The following PRKG1 variants were observed in gnomAD, a reference collection of about 807,000 sequenced individuals.
PRKG1 encodes the protein cGMP-dependent protein kinase 1.
PRKG1 carries 35 observed loss-of-function variants against 88.1 expected under a neutral mutation model. The observed-to-expected ratio is 0.40, with a 90% CI of 0.30 to 0.53. The LOEUF (loss-of-function observed/expected upper bound fraction) is 0.53, where lower values mean the gene tolerates loss of function less well. PRKG1 is among the 20% of genes least tolerant of loss of function. The probability of loss-of-function intolerance (pLI) is 0.59; values close to 1 mark genes in which losing one functional copy is unlikely to be tolerated. For missense variants in PRKG1, 540 were observed against 839.8 expected, an observed-to-expected ratio of 0.64 and a Z score of 4.41; for synonymous variants, 303 against 292.5, an observed-to-expected ratio of 1.04 and a Z score of -0.37.
chr10:51,636,096 TTTTTA>T (rs375689233), intron 3 of PRKG1, among the ~76,000 whole-genome samples: 244 of 152,316 alleles, frequency 1.6e-3, no homozygotes, highest in African/African-American at 5.7e-3. Flanking sequence ...CTTGGTCTTA[TTTTTA>T]TTTTATTTCT....
At chr10:51,416,805 G>C (rs1348648088) in intron 2 of PRKG1, among the ~76,000 whole-genome samples, 1 of 152,146 alleles carries the variant, frequency 6.6e-6, no homozygotes, top group Non-Finnish European at 1.5e-5. Context: ...TTTGAAGAAG[G>C]TCAGAACTCC....
chr10:52,146,906 G>A (rs1837743631), intron 8 of PRKG1, among the ~76,000 whole-genome samples: 1 of 152,066 alleles, frequency 6.6e-6, no homozygotes, highest in South Asian at 2.1e-4. Context: ...CTGCACCCTC[G>A]CCAGCTTAAG....
At chr10:51,981,192 C>T (rs1843999948) in intron 5 of PRKG1, among the ~76,000 whole-genome samples, 1 of 151,926 alleles carries the variant, frequency 6.6e-6, no homozygotes, top group African/African-American at 2.4e-5. Context: ...TGATAAATTC[C>T]CTCAGCATTC....
intron 7 of PRKG1, among the ~76,000 whole-genome samples, chr10:52,070,568 CT>C (rs1417353465): frequency 6.6e-6 from 1 of 152,048 alleles, no homozygotes; most frequent in East Asian, 1.9e-4. Flanking sequence ...TGCATATATT[CT>C]TTCCCCCGCT....
At chr10:51,671,350 T>A (rs1009482711) in intron 3 of PRKG1, among the ~76,000 whole-genome samples, 2 of 152,212 alleles carry the variant, frequency 1.3e-5, no homozygotes, top group African/African-American at 4.8e-5. Context: ...GACAGAAATG[T>A]ATTCTCACAG....
intron 5 of PRKG1, among the ~76,000 whole-genome samples, chr10:52,008,612 C>T (rs1844801044): frequency 6.6e-6 from 1 of 151,980 alleles, no homozygotes; most frequent in African/African-American, 2.4e-5. Context: ...TAACAAGTTC[C>T]AAAGTTGAAT....
chr10:52,097,405 T>C (rs1403475725), intron 7 of PRKG1, among the ~76,000 whole-genome samples: 1 of 152,160 alleles, frequency 6.6e-6, no homozygotes, highest in Non-Finnish European at 1.5e-5. Context: ...GGGTGTTGTT[T>C]TGCATTTTTT....
intron 2 of PRKG1, among the ~76,000 whole-genome samples, chr10:51,227,523 T>A (rs1410185498): frequency 6.6e-6 from 1 of 152,208 alleles, no homozygotes; most frequent in Non-Finnish European, 1.5e-5. Context: ...AACAGCAATC[T>A]GTTAGCCACT....
At chr10:51,354,459 A>G (rs922071640) in intron 2 of PRKG1, among the ~76,000 whole-genome samples, 1 of 152,152 alleles carries the variant, frequency 6.6e-6, no homozygotes, top group Non-Finnish European at 1.5e-5. Flanking sequence ...CGGAAAAATT[A>G]TTAAAAAATA....
intron 1 of PRKG1, among the ~76,000 whole-genome samples, chr10:51,151,567 T>C (rs1846072796): frequency 1.0e-5 from 1 of 95,308 alleles, no homozygotes; most frequent in African/African-American, 5.2e-5. Flanking sequence ...GTTTTTGTTT[T>C]TGTTTTTTTT....
chr10:51,247,411 A>C (rs1308641042), intron 2 of PRKG1, among the ~76,000 whole-genome samples: 1 of 152,006 alleles, frequency 6.6e-6, no homozygotes, highest in Non-Finnish European at 1.5e-5. Context: ...CATGAGCAAA[A>C]CACATTTCTT....
chr10:51,770,269 A>G (rs540886166), intron 3 of PRKG1, among the ~76,000 whole-genome samples: 6 of 152,250 alleles, frequency 3.9e-5, no homozygotes, highest in Non-Finnish European at 8.8e-5. Flanking sequence ...CTATCTGAAC[A>G]GTAAAAGAGT....
rs114099633 is a variant in PRKG1 at position 52,263,368 on chromosome 10, G to A, written c.1174-7982G>A. On this transcript the variant is annotated intron_variant, in intron 10 of 17. Coordinates refer to ENST00000373980, the MANE Select transcript of PRKG1 (RefSeq NM_006258.4). Reference sequence around the variant, plus strand: ...ACAGAACTAGAAGTTGTAGATTCAAGGAATTACAAGTTCTCTCTCTTTTTA... The same window carrying A: ...ACAGAACTAGAAGTTGTAGATTCAAAGAATTACAAGTTCTCTCTCTTTTTA... Among the ~76,000 whole-genome samples, 707 of 152,022 alleles carry A rather than the reference G, an allele frequency of 4.7e-3. 7 individuals are homozygous for A. The highest frequency in any genetic ancestry group is 0.016 in the African/African-American group (659 of 41,486).
chr10:51,855,533 A>T (rs753833656), intron 4 of PRKG1, among the ~76,000 whole-genome samples: 1 of 152,192 alleles, frequency 6.6e-6, no homozygotes, highest in Non-Finnish European at 1.5e-5. Flanking sequence ...GTCCAGCACA[A>T]TCATTCTCTC....
chr10:52,042,041 A>G (rs936257482), intron 5 of PRKG1, among the ~76,000 whole-genome samples: 1 of 152,122 alleles, frequency 6.6e-6, no homozygotes, highest in African/African-American at 2.4e-5. Flanking sequence ...ACTATAAAGC[A>G]CTGATGAAAG....
intron 3 of PRKG1, among the ~76,000 whole-genome samples, chr10:51,757,179 G>A (rs1837890402): frequency 6.6e-6 from 1 of 151,996 alleles, no homozygotes; most frequent in Admixed American, 6.6e-5. Context: ...TCAGCTCACT[G>A]CAACCTCAAC....
At chr10:51,886,672 A>T (rs143242976) in intron 4 of PRKG1, among the ~76,000 whole-genome samples, 1 of 152,226 alleles carries the variant, frequency 6.6e-6, no homozygotes, top group African/African-American at 2.4e-5. Context: ...TTTGCAGATG[A>T]TAATGTCTCA....
chr10:51,184,358 C>T (rs1380888212), intron 2 of PRKG1, among the ~76,000 whole-genome samples: 1 of 152,140 alleles, frequency 6.6e-6, no homozygotes, highest in Non-Finnish European at 1.5e-5. Context: ...TTTGTTCTTA[C>T]CAGATTTGAG....
At chr10:51,128,404 G>A (rs1845485108) in intron 1 of PRKG1, among the ~76,000 whole-genome samples, 2 of 152,144 alleles carry the variant, frequency 1.3e-5, no homozygotes, top group African/African-American at 4.8e-5. Context: ...TTTTTGTGTG[G>A]GACATTAAAA....
Sources: allele counts gnomAD v4.1 joint callset (sites outside exome capture counted in the v4.1 genomes callset), GRCh38; gene constraint gnomAD v4.1.1; transcripts MANE v1.5; gene names NCBI Gene and HGNC (gene_info 2026-07-23, HGNC 2026-07-21).